Variants in TRANK1 observed in about 807,000 individuals in gnomAD.
The protein encoded by TRANK1 is tetratricopeptide repeat and ankyrin repeat containing 1, also known as TPR and ankyrin repeat-containing protein 1.
A neutral mutation model predicts 266.0 loss-of-function variants in TRANK1; 198 were observed. The ratio of observed to expected loss-of-function variants is 0.74; its 90% CI spans 0.66 to 0.84. TRANK1 has a LOEUF of 0.84. Ranked by LOEUF, TRANK1 falls within the 40% of genes least tolerant of loss-of-function variation. The pLI is 0.00. For missense variants in TRANK1, 3,326 were observed against 3,634.6 expected (o/e 0.92, Z 2.18); for synonymous variants, 1,396 against 1,384.1 (o/e 1.01, Z -0.19).
chr3:36,880,360 GA>G lies in TRANK1; in HGVS notation c.908-6065del, dbSNP rs536470488. On this transcript the variant is annotated intron_variant, in intron 8 of 23. Transcript: ENST00000645898. Reference sequence around the variant, plus strand: ...TCTGTGGCACCAATTATTCTTTCAGGATTAAGACCTCTAGCCAGCCCTCTTG... The same window carrying G: ...TCTGTGGCACCAATTATTCTTTCAGGTTAAGACCTCTAGCCAGCCCTCTTG... 1.4e-3 allele frequency: 568 copies of G among 396,526 alleles called. 1 individual carries two copies. The highest frequency in any genetic ancestry group is 0.011 in the African/African-American group (510 of 47,148). 24.6% of individuals were successfully genotyped at this position (396,526 alleles called of 1,614,324 possible).
intron 21 of TRANK1, chr3:36,834,469 T>C (rs1262278727): frequency 3.4e-6 from 1 of 290,304 alleles, no homozygotes; most frequent in Non-Finnish European, 6.3e-6. Context: ...GACTCCCCTT[T>C]ATTCTGCTGA....
intron 1 of TRANK1, among the ~76,000 whole-genome samples, chr3:36,911,624 T>C (rs2080053953): frequency 6.6e-6 from 1 of 152,228 alleles, no homozygotes; most frequent in African/African-American, 2.4e-5. Context: ...ATGCCAACCA[T>C]ACAGAAGGCT....
At position 36,888,724 on chromosome 3, in the gene TRANK1, C is replaced by T. The variant is rs943824742; in HGVS notation, c.907+1105G>A. ...GTTAACAGGCATGTTTAAATCTGAG[C>T]AGACAGCTGAAAAATCACAAGATTC... On this transcript the variant is annotated intron_variant, in intron 8 of 23. Coordinates refer to ENST00000645898, the MANE Select transcript of TRANK1 (RefSeq NM_001329998.2). 5.9e-5 allele frequency among the ~76,000 whole-genome samples: 9 copies of T among 152,278 alleles called. No homozygotes were observed. The East Asian group carries it at 1.7e-3, about 29-fold the overall frequency.
chr3:36,915,100 G>A (rs946845694), intron 1 of TRANK1, among the ~76,000 whole-genome samples: 18 of 151,998 alleles, frequency 1.2e-4, no homozygotes, highest in Admixed American at 3.3e-4. Flanking sequence ...TACAGGCGCC[G>A]GCCACCACGC....
intron 4 of TRANK1, among the ~76,000 whole-genome samples, chr3:36,897,545 C>T (rs2079810823): frequency 6.6e-6 from 1 of 152,222 alleles, no homozygotes; most frequent in African/African-American, 2.4e-5. Context: ...GAGATTCCAC[C>T]TACAGACCAC....
At chr3:36,865,024 GTTTT>G (rs34540496) in intron 9 of TRANK1, among the ~76,000 whole-genome samples, 14 of 119,798 alleles carry the variant, frequency 1.2e-4, no homozygotes, top group African/African-American at 3.4e-4. Context: ...TGTTTTTTTG[GTTTT>G]TTTTTTTTTT....
Position 36,834,911 on chromosome 3 carries a change from G to T in TRANK1, c.5518-4C>A. On this transcript the variant is annotated splice_polypyrimidine_tract_variant and splice_region_variant and intron_variant, in intron 20 of 23. Coordinates refer to ENST00000645898, the MANE Select transcript of TRANK1 (RefSeq NM_001329998.2). Reference sequence around the variant, plus strand: ...AGAAATAGGCAGCATCTCTTATCTAGGATGGAGTAAATTTTACTTTTATTT... The same window carrying T: ...AGAAATAGGCAGCATCTCTTATCTATGATGGAGTAAATTTTACTTTTATTT... The T allele has an allele frequency of 6.3e-7, 1 of 1,596,472 alleles. No individual in the cohort carries two copies. Among genetic ancestry groups the T allele is most frequent in the South Asian group, 1.1e-5 (1 of 87,948 alleles).
At chr3:36,862,734 C>G (rs917236495) in intron 10 of TRANK1, among the ~76,000 whole-genome samples, 1 of 152,136 alleles carries the variant, frequency 6.6e-6, no homozygotes, top group African/African-American at 2.4e-5. Context: ...AAATGTGGGA[C>G]AAGTCAGAGA....
intron 9 of TRANK1, among the ~76,000 whole-genome samples, chr3:36,873,751 G>T (rs749386341): frequency 6.6e-6 from 1 of 151,868 alleles, no homozygotes; most frequent in Non-Finnish European, 1.5e-5. Flanking sequence ...AGAGATGTAC[G>T]TGTATTTTAA....
Position 36,874,200 on chromosome 3 carries a change from T to C in TRANK1, c.1004A>G (p.Asn335Ser). 6.5e-7 allele frequency: 1 copy of C among 1,537,364 alleles called. No homozygotes were observed. The highest frequency in any genetic ancestry group is 8.7e-7 in the Non-Finnish European group (1 of 1,146,906). ...SRSVVDVLKR[N>S]KNFKAIEKIN... ...TTTCTCGATGGCTTTGAAGTTCTTA[T>C]TCCTCTTCAGGACATCCACAACAGA... is the stretch of plus-strand genomic sequence containing the variant. Residue 335 changes from asparagine (N) to serine (S), a missense_variant, in exon 9 of 24, where the codon AAT (asparagine) becomes AGT (serine). Coordinates refer to ENST00000645898, the MANE Select transcript of TRANK1 (RefSeq NM_001329998.2).
chr3:36,928,114 G>A (rs949415528), intron 1 of TRANK1, among the ~76,000 whole-genome samples: 8 of 152,090 alleles, frequency 5.3e-5, no homozygotes, highest in Admixed American at 2.0e-4. Flanking sequence ...TTGCCCCATA[G>A]CTCCCACATA....
chr3:36,859,317 C>T (rs759464708), intron 11 of TRANK1, among the ~76,000 whole-genome samples: 23 of 151,116 alleles, frequency 1.5e-4, no homozygotes, highest in Non-Finnish European at 2.7e-4. Flanking sequence ...ATGTGCAGAA[C>T]GTGCAGGTTT....
chr3:36,828,466 G>A, intron 23 of TRANK1, 91 bp from the exon 24 acceptor site: 1 of 919,702 alleles, frequency 1.1e-6, no homozygotes, highest in Non-Finnish European at 1.7e-6. Flanking sequence ...AGGAAAGGAG[G>A]AAGGGAGGAA....
intron 8 of TRANK1, among the ~76,000 whole-genome samples, chr3:36,884,915 G>A (rs1466463148): frequency 7.0e-6 from 1 of 142,408 alleles, no homozygotes; most frequent in African/African-American, 2.7e-5. Flanking sequence ...CCTGGAGACA[G>A]AGCAAGACTC....
At position 36,856,866 on chromosome 3, in the gene TRANK1, A is replaced by C; in HGVS notation, c.2856T>G (p.Ala952=). The C allele has an allele frequency of 6.2e-7, 1 of 1,614,062 alleles. No individual in the cohort carries two copies. Among genetic ancestry groups the C allele is most frequent in the Non-Finnish European group, 8.5e-7 (1 of 1,179,900 alleles). ...CATTGCAGATGGCCTTGATGGAATCAGCCAGTTTGCAGTGATCTAAGACGA... is the reference window on the plus strand; with the variant it reads ...CATTGCAGATGGCCTTGATGGAATCCGCCAGTTTGCAGTGATCTAAGACGA... ...WDIVLDHCKL[A]DSIKAICNAY... is the part of the protein sequence containing the mutation. The change falls in exon 13 of 24, where the codon GCT becomes GCG. Residue 952 remains alanine, a synonymous_variant. Coordinates refer to ENST00000645898, the MANE Select transcript of TRANK1 (RefSeq NM_001329998.2).
chr3:36,842,668 T>G lies in TRANK1; in HGVS notation c.5234A>C (p.Glu1745Ala). Residue 1745 changes from glutamate (E) to alanine (A), a missense_variant, in exon 18 of 24, where the codon GAG becomes GCG. By Grantham distance (107) the Glu-to-Ala change is moderately radical. Coordinates refer to ENST00000645898, the MANE Select transcript of TRANK1 (RefSeq NM_001329998.2). The part of the protein sequence containing the change: ...SMFVKTSTPA[E>A]WIAQGDYYAK... Reference sequence around the variant, plus strand: ...GTAGTAATCTCCCTGTGCAATCCACTCCGCAGGAGTTGAGGTCTTAACGAA... The same window carrying G: ...GTAGTAATCTCCCTGTGCAATCCACGCCGCAGGAGTTGAGGTCTTAACGAA... 6.2e-7 allele frequency: 1 copy of G among 1,614,000 alleles called. No homozygotes were observed. The highest frequency in any genetic ancestry group is 8.5e-7 in the Non-Finnish European group (1 of 1,179,878).
rs1383882114 is a variant in TRANK1, at chr3:36,834,909, T to C, written c.5518-2A>G. 3.1e-6 allele frequency: 5 copies of C among 1,597,150 alleles called. No individual in the cohort carries two copies. The highest frequency in any genetic ancestry group is 4.3e-6 in the Non-Finnish European group (5 of 1,174,454). On this transcript the variant is annotated splice_acceptor_variant, in intron 20 of 23. Transcript: ENST00000645898. LOFTEE classifies it high-confidence loss of function. ...ATAGAAATAGGCAGCATCTCTTATC[T>C]AGGATGGAGTAAATTTTACTTTTAT...
chr3:36,933,251 A>G (rs576565433), intron 1 of TRANK1, among the ~76,000 whole-genome samples: 12 of 152,224 alleles, frequency 7.9e-5, no homozygotes, highest in Non-Finnish European at 1.6e-4. Flanking sequence ...AACCCAGCCA[A>G]TGGGGAAAGG....
In TRANK1 at chr3:36,834,748, A is replaced by G. The variant is rs1187387328; in HGVS notation, c.5663+14T>C. 6.2e-7 allele frequency: 1 copy of G among 1,608,606 alleles called. No homozygotes were observed. Among genetic ancestry groups the G allele is most frequent in the South Asian group, 1.1e-5 (1 of 90,422 alleles). The stretch of plus-strand genomic sequence containing the variant: ...AGGAAGAGAGGGAGAAAGGGAGAGA[A>G]TAAAACCACCTACTTTTCCACTGCA... On this transcript the variant is annotated intron_variant, in intron 21 of 23. Coordinates refer to ENST00000645898, the MANE Select transcript of TRANK1 (RefSeq NM_001329998.2).
Sources: gnomAD v4.1 joint callset for allele counts (sites outside exome capture counted in the v4.1 genomes callset) on GRCh38, gnomAD v4.1.1 for gene constraint, MANE v1.5 for transcripts, NCBI Gene and HGNC (gene_info 2026-07-23, HGNC 2026-07-21) for gene names.